The following SPAG16 variants were observed in gnomAD, a reference collection of about 807,000 sequenced individuals.
The protein encoded by SPAG16 is sperm associated antigen 16, also known as sperm-associated antigen 16 protein.
In SPAG16, 86 loss-of-function variants were observed where a neutral mutation model predicts 80.4. That is an observed-to-expected ratio of 1.07 (90% CI 0.90 to 1.28). The LOEUF (loss-of-function observed/expected upper bound fraction) is 1.28. Ranked by LOEUF, SPAG16 falls within the 50% of genes most tolerant of loss-of-function variation. The pLI is 0.00. For missense variants in SPAG16, 870 were observed against 765.3 expected (o/e 1.14, Z -1.61); for synonymous variants, 294 against 265.9 (o/e 1.11, Z -1.03).
intron 9 of SPAG16, among the ~76,000 whole-genome samples, chr2:213,383,747 C>T (rs1389372712): frequency 6.6e-6 from 1 of 152,130 alleles, no homozygotes. Context: ...ACACACAAAG[C>T]TTATTATTAG....
At chr2:213,671,191 T>G (rs1365018867) in intron 10 of SPAG16, among the ~76,000 whole-genome samples, 3 of 152,196 alleles carry the variant, frequency 2.0e-5, no homozygotes, top group Non-Finnish European at 4.4e-5. Context: ...AAGCTTTGAC[T>G]GATATTGTTT....
chr2:214,052,416 C>T (rs1042340945), intron 13 of SPAG16, among the ~76,000 whole-genome samples: 5 of 152,164 alleles, frequency 3.3e-5, no homozygotes, highest in Non-Finnish European at 7.3e-5. Context: ...GAGTTACAAA[C>T]GAAAGAGACA....
chr2:214,004,489 A>G (rs1323712635), intron 12 of SPAG16, among the ~76,000 whole-genome samples: 1 of 152,174 alleles, frequency 6.6e-6, no homozygotes, highest in Non-Finnish European at 1.5e-5. Context: ...TAGGAGACAC[A>G]TAGGTATCTC....
intron 15 of SPAG16, among the ~76,000 whole-genome samples, chr2:214,388,457 C>G (rs1700883419): frequency 6.6e-6 from 1 of 152,080 alleles, no homozygotes; most frequent in Non-Finnish European, 1.5e-5. Flanking sequence ...TCTTTACATC[C>G]TCCTGAAAAT....
intron 10 of SPAG16, 105 bp from the exon 11 acceptor site, chr2:213,862,380 T>C: frequency 6.9e-7 from 1 of 1,441,306 alleles, no homozygotes; most frequent in African/African-American, 1.4e-5. Context: ...CTCAAAACTA[T>C]CCTGCCTTGC....
At chr2:213,293,331 C>A (rs1436350835) in intron 1 of SPAG16, among the ~76,000 whole-genome samples, 1 of 152,146 alleles carries the variant, frequency 6.6e-6, no homozygotes, top group Non-Finnish European at 1.5e-5. Context: ...TGAACTAATA[C>A]GCATCCAGTG....
intron 15 of SPAG16, among the ~76,000 whole-genome samples, chr2:214,172,084 GT>G (rs200312462): frequency 1.6e-4 from 23 of 146,498 alleles, no homozygotes; most frequent in East Asian, 6.0e-4. Context: ...TGCATACTTT[GT>G]TTTTTTTTTA....
intron 5 of SPAG16, among the ~76,000 whole-genome samples, chr2:213,319,664 G>C (rs2063536751): frequency 6.6e-6 from 1 of 151,866 alleles, no homozygotes; most frequent in Non-Finnish European, 1.5e-5. Flanking sequence ...GATCTCCTTT[G>C]AATTATTGCT....
chr2:213,498,033 G>T (rs1293121716), intron 10 of SPAG16, among the ~76,000 whole-genome samples: 2 of 152,032 alleles, frequency 1.3e-5, no homozygotes, highest in Non-Finnish European at 1.5e-5. Context: ...CAGAGAAGAT[G>T]GTTTAGAACA....
intron 10 of SPAG16, among the ~76,000 whole-genome samples, chr2:213,576,573 C>T (rs1206817252): frequency 6.6e-6 from 1 of 152,032 alleles, no homozygotes; most frequent in Non-Finnish European, 1.5e-5. Flanking sequence ...GGAATCAACC[C>T]AAATTTCCAT....
chr2:213,627,866 A>G (rs1383512850), intron 10 of SPAG16, among the ~76,000 whole-genome samples: 1 of 152,180 alleles, frequency 6.6e-6, no homozygotes, highest in African/African-American at 2.4e-5. Flanking sequence ...TCATACCACA[A>G]AATAGCGTGA....
chr2:213,542,311 C>T (rs1037879526), intron 10 of SPAG16, among the ~76,000 whole-genome samples: 5 of 151,970 alleles, frequency 3.3e-5, no homozygotes, highest in African/African-American at 9.7e-5. Context: ...ATTATTTTTA[C>T]AAAGCTTTAC....
chr2:213,341,757 T>C (rs1450972282), intron 6 of SPAG16, among the ~76,000 whole-genome samples: 3 of 152,070 alleles, frequency 2.0e-5, no homozygotes, highest in African/African-American at 7.2e-5. Context: ...ATCAGGTTGG[T>C]TTTGAACTCC....
chr2:213,898,351 A>G (rs532171510), intron 11 of SPAG16, among the ~76,000 whole-genome samples: 1 of 152,312 alleles, frequency 6.6e-6, no homozygotes, highest in African/African-American at 2.4e-5. Flanking sequence ...TGGGTAAGGA[A>G]TTCACACAGA....
At chr2:214,224,381 C>G (rs184234282) in intron 15 of SPAG16, among the ~76,000 whole-genome samples, 5 of 152,120 alleles carry the variant, frequency 3.3e-5, no homozygotes, top group African/African-American at 9.7e-5. Flanking sequence ...TATATTATTT[C>G]TCTTAAAGAT....
intron 6 of SPAG16, among the ~76,000 whole-genome samples, chr2:213,341,325 G>A (rs551645140): frequency 7.2e-5 from 11 of 152,240 alleles, no homozygotes; most frequent in African/African-American, 1.7e-4. Context: ...CGATAGCTGC[G>A]CGATTGCATA....
rs1414151232 is a variant in SPAG16 at position 213,980,741 on chromosome 2, G to T, written c.1401-33210G>T. 2.6e-4 allele frequency among the ~76,000 whole-genome samples: 35 copies of T among 136,382 alleles called. 1 individual carries two copies. The highest frequency in any genetic ancestry group is 7.1e-4 in the African/African-American group (25 of 35,344). The allele number at this position is 136,382 out of a possible 152,430, so 89.5% of individuals were successfully genotyped here. A position where few individuals can be genotyped will look rare whatever the true frequency, so the allele number is the denominator to read the frequency against. ...ATATATATATAGAGAGAGAGAGAGA[G>T]AGAGAGAGAGAGAGAGAGTAAGCTG... On this transcript the variant is annotated intron_variant, in intron 12 of 15. Transcript: ENST00000331683.
intron 15 of SPAG16, among the ~76,000 whole-genome samples, chr2:214,203,451 G>C (rs1379034641): frequency 6.6e-6 from 1 of 152,154 alleles, no homozygotes; most frequent in Admixed American, 6.6e-5. Flanking sequence ...TTTGAAGGAA[G>C]CAGAGCTGCT....
In SPAG16 at chr2:213,371,582, T is replaced by C. The variant is rs566054824; in HGVS notation, c.833-3428T>C. Among the ~76,000 whole-genome samples, 6 of 152,162 alleles carry C rather than the reference T, an allele frequency of 3.9e-5. No individual in the cohort carries two copies. In the South Asian group the frequency reaches 1.2e-3, roughly 32 times the overall value. ...ACCCATTCATCCACCCATCCATCTA[T>C]CCATTTATTTTCGGCAGAAGTTGGC... On this transcript the variant is annotated intron_variant, in intron 8 of 15. Transcript: ENST00000331683.
Sources: allele counts gnomAD v4.1 joint callset (sites outside exome capture counted in the v4.1 genomes callset), GRCh38; gene constraint gnomAD v4.1.1; transcripts MANE v1.5; gene names NCBI Gene and HGNC (gene_info 2026-07-23, HGNC 2026-07-21).